Variants in KCNK9 observed in about 807,000 individuals in gnomAD.
KCNK9 encodes the protein potassium channel subfamily K member 9.
In KCNK9, 1 loss-of-function variant was observed where a neutral mutation model predicts 10.8. The observed-to-expected ratio is 0.09, with a 90% CI of 0.03 to 0.44. The LOEUF (loss-of-function observed/expected upper bound fraction) is 0.44. Ranked by LOEUF, KCNK9 falls within the 20% of genes least tolerant of loss-of-function variation. The pLI, the probability that KCNK9 is intolerant of heterozygous loss-of-function variation, is 0.97. For synonymous variants in KCNK9, 231 were observed against 222.7 expected (o/e 1.04, Z -0.33); for missense variants, 303 against 515.0 (o/e 0.59, Z 3.98).
chr8:139,618,350 T>A lies in KCNK9; in HGVS notation c.1033A>T (p.Ser345Cys), dbSNP rs1372372559. The A allele has an allele frequency of 6.2e-7, 1 of 1,614,068 alleles. No homozygotes were observed. The highest frequency in any genetic ancestry group is 8.5e-7 in the Non-Finnish European group (1 of 1,180,040). The change falls in exon 2 of 2, where the codon AGC (serine) becomes TGC (cysteine). Residue 345 changes from serine (S) to cysteine (C), a missense_variant. Transcript: ENST00000520439. This position sits in a 1 kb window ranked among gnomAD's most constrained non-coding sequence, Gnocchi z 7.9. The stretch of plus-strand genomic sequence containing the variant: ...GAGCTAATAGGCGATGGGAAGAGGC[T>A]GTTTTTTAATGTGCTTGGTGAGATC... ...EEISPSTLKN[S>C]LFPSPISSIS... is the part of the protein sequence containing the mutation.
At chr8:139,624,743 C>T (rs1014552092) in intron 1 of KCNK9, among the ~76,000 whole-genome samples, 3 of 152,318 alleles carry the variant, frequency 2.0e-5, no homozygotes, top group African/African-American at 7.2e-5. Context: ...TAGAAGAGAA[C>T]CTCCAGTTCA....
intron 1 of KCNK9, among the ~76,000 whole-genome samples, chr8:139,639,614 G>A (rs964817191): frequency 6.6e-6 from 1 of 152,242 alleles, no homozygotes; most frequent in Non-Finnish European, 1.5e-5. Context: ...GGCTTGGCAT[G>A]TGACGAAGGG....
intron 1 of KCNK9, among the ~76,000 whole-genome samples, chr8:139,620,440 C>T (rs1022131136): frequency 2.6e-5 from 4 of 152,094 alleles, no homozygotes; most frequent in Admixed American, 1.3e-4. Context: ...TGTATGGATC[C>T]GCCGAGATCA....
intron 1 of KCNK9, among the ~76,000 whole-genome samples, chr8:139,674,311 G>T (rs1458616884): frequency 6.6e-6 from 1 of 152,160 alleles, no homozygotes; most frequent in East Asian, 1.9e-4. Flanking sequence ...TGCATGTACA[G>T]CCGGAAGCTG....
At position 139,640,824 on chromosome 8, in the gene KCNK9, T is replaced by G. The variant is rs73358038; in HGVS notation, c.284-21725A>C. 7.1e-3 allele frequency among the ~76,000 whole-genome samples: 1,085 copies of G among 152,346 alleles called. 14 individuals are homozygous for G. The highest frequency in any genetic ancestry group is 0.025 in the African/African-American group (1,035 of 41,574). ...CGTCATCCACAGAAACAAGCTGTAT[T>G]TTCATGCCACGTTCTGCGGTTGCAG... On this transcript the variant is annotated intron_variant, in intron 1 of 1. Coordinates refer to ENST00000520439, the MANE Select transcript of KCNK9 (RefSeq NM_001282534.2).
intron 1 of KCNK9, among the ~76,000 whole-genome samples, chr8:139,663,972 C>T (rs527784201): frequency 2.2e-4 from 33 of 152,340 alleles, no homozygotes; most frequent in African/African-American, 7.2e-4. Context: ...GGGCCTGACA[C>T]TCTGTGCCAA....
chr8:139,621,290 C>CAA (rs60686948), intron 1 of KCNK9, among the ~76,000 whole-genome samples: 12,505 of 110,578 alleles, frequency 0.11, 636 homozygotes, highest in Middle Eastern at 0.14. Context: ...GACTCCATCT[C>CAA]AAAAAAAAAA....
At chr8:139,644,828 G>A (rs116177491) in intron 1 of KCNK9, among the ~76,000 whole-genome samples, 3,823 of 148,566 alleles carry the variant, frequency 0.026, 157 homozygotes, top group African/African-American at 0.088. Context: ...GCTGGGCCCC[G>A]GCACTGCCAG....
chr8:139,663,694 A>T (rs1415125438), intron 1 of KCNK9, among the ~76,000 whole-genome samples: 5 of 128,198 alleles, frequency 3.9e-5, no homozygotes, highest in Non-Finnish European at 8.2e-5. Context: ...AGAGAGAGAG[A>T]TAGAGAGAGA....
chr8:139,613,681 C>T (rs1814497483), downstream of KCNK9, among the ~76,000 whole-genome samples: 1 of 152,240 alleles, frequency 6.6e-6, no homozygotes, highest in Non-Finnish European at 1.5e-5. Flanking sequence ...GGGGAAGCCC[C>T]AGAGGCCCAG....
chr8:139,613,099 G>A (rs1165929238), downstream of KCNK9, among the ~76,000 whole-genome samples: 1 of 152,206 alleles, frequency 6.6e-6, no homozygotes, highest in African/African-American at 2.4e-5. Context: ...CGTGACAATG[G>A]CACCGTTAGG....
At chr8:139,699,597 CAG>C (rs1212392551) in intron 1 of KCNK9, among the ~76,000 whole-genome samples, 1 of 152,200 alleles carries the variant, frequency 6.6e-6, no homozygotes, top group African/African-American at 2.4e-5. Flanking sequence ...GGAATGGAAA[CAG>C]AGCCTGATAA....
intron 1 of KCNK9, among the ~76,000 whole-genome samples, chr8:139,670,021 T>A (rs889066202): frequency 6.6e-6 from 1 of 152,196 alleles, no homozygotes; most frequent in African/African-American, 2.4e-5. Context: ...AAGGAATCTC[T>A]TTTTCTGAGC....
At chr8:139,638,868 C>T (rs998551497) in intron 1 of KCNK9, among the ~76,000 whole-genome samples, 9 of 152,184 alleles carry the variant, frequency 5.9e-5, no homozygotes, top group South Asian at 4.1e-4. Context: ...TAGCTGAGAA[C>T]GCAGGAGGCC....
At chr8:139,694,400 T>C (rs1817003890) in intron 1 of KCNK9, among the ~76,000 whole-genome samples, 1 of 152,202 alleles carries the variant, frequency 6.6e-6, no homozygotes, top group African/African-American at 2.4e-5. Flanking sequence ...CTCCGTTTCA[T>C]AGATGAGGGA....
intron 1 of KCNK9, among the ~76,000 whole-genome samples, chr8:139,701,193 AAC>A (rs1817210559): frequency 6.6e-6 from 1 of 152,202 alleles, no homozygotes; most frequent in African/African-American, 2.4e-5. Flanking sequence ...AGAAGCTGGA[AAC>A]ACAGTGTGGG....
chr8:139,621,368 G>A (rs1189809539), intron 1 of KCNK9, among the ~76,000 whole-genome samples: 1 of 151,758 alleles, frequency 6.6e-6, no homozygotes, highest in Non-Finnish European at 1.5e-5. Flanking sequence ...ACCCCAGGCA[G>A]GACAAATACA....
chr8:139,681,843 G>A (rs549232508), intron 1 of KCNK9, among the ~76,000 whole-genome samples: 2 of 152,274 alleles, frequency 1.3e-5, no homozygotes, highest in South Asian at 2.1e-4. Flanking sequence ...TTAACCAACC[G>A]GCATCTTATG....
intron 1 of KCNK9, among the ~76,000 whole-genome samples, chr8:139,670,419 A>G (rs1816400206): frequency 1.3e-5 from 2 of 152,224 alleles, no homozygotes; most frequent in Admixed American, 1.3e-4. Context: ...AATTTGTTAA[A>G]AAAATAAAAA....
Sources: allele counts gnomAD v4.1 joint callset (sites outside exome capture counted in the v4.1 genomes callset), GRCh38; gene constraint gnomAD v4.1.1; non-coding constraint Gnocchi (gnomAD v3.1); transcripts MANE v1.5; gene names NCBI Gene and HGNC (gene_info 2026-07-23, HGNC 2026-07-21).